The following CFI variants were observed in gnomAD, a reference collection of about 807,000 sequenced individuals.
The protein encoded by CFI is C3B/C4B inactivator.
A neutral mutation model predicts 78.8 loss-of-function variants in CFI; 66 were observed. The ratio of observed to expected loss-of-function variants is 0.84; its 90% CI spans 0.69 to 1.03. CFI has a LOEUF of 1.03. Ranked by LOEUF, CFI falls within the 50% of genes least tolerant of loss-of-function variation. CFI has a pLI of 0.00. For synonymous variants in CFI, 250 were observed against 232.6 expected, an observed-to-expected ratio of 1.07 and a Z score of -0.68; for missense variants, 706 against 704.5, an observed-to-expected ratio of 1.00 and a Z score of -0.02.
chr4:109,770,781 C>G (rs1338180168), intron 1 of CFI, among the ~76,000 whole-genome samples: 1 of 152,014 alleles, frequency 6.6e-6, no homozygotes, highest in Non-Finnish European at 1.5e-5. Flanking sequence ...ATGTTGGAAG[C>G]TGGAAAACAG....
chr4:109,760,357 A>T lies in CFI; in HGVS notation c.796T>A (p.Cys266Ser). 2 of 1,614,124 alleles carry T rather than the reference A, an allele frequency of 1.2e-6. No individual in the cohort carries two copies. The highest frequency in any genetic ancestry group is 1.7e-6 in the Non-Finnish European group (2 of 1,179,964). Reference protein sequence around the residue: ...CKACQGKGFHCKSGVCIPSQY... With the variant: ...CKACQGKGFHSKSGVCIPSQY... ...CTTGGAATGCAAACACCCGATTTGC[A>T]ATGGAAGCCTTTGCCTTGGCATGCT... The change falls in exon 6 of 13, where the codon TGC becomes AGC. Residue 266 changes from cysteine to serine, a missense_variant. Coordinates refer to ENST00000394634, the MANE Select transcript of CFI (RefSeq NM_000204.5).
At chr4:109,773,457 A>G (rs967914323) in intron 1 of CFI, among the ~76,000 whole-genome samples, 3 of 152,206 alleles carry the variant, frequency 2.0e-5, no homozygotes, top group African/African-American at 4.8e-5. Context: ...CAGAGGTTGC[A>G]GTGAGCCGAG....
intron 3 of CFI, chr4:109,762,011 G>A (rs1451054725): frequency 3.1e-6 from 1 of 318,498 alleles, no homozygotes; most frequent in Non-Finnish European, 6.0e-6. Context: ...CCAATATGGT[G>A]AAAATCCTAT....
Position 109,801,880 on chromosome 4 carries a change from A to G in CFI, c.57+35T>C, listed in dbSNP as rs752825945. 6.4e-6 allele frequency: 9 copies of G among 1,405,692 alleles called. No homozygotes were observed. The East Asian group carries it at 9.2e-5, about 14-fold the overall frequency. The allele number at this position is 1,405,692 out of a possible 1,614,324, so 87.1% of individuals were successfully genotyped here. A position where few individuals can be genotyped will look rare whatever the true frequency, so the allele number is the denominator to read the frequency against. ...TGTTTTTACAACCTTTAAATTATCA[A>G]TTAAAATTGTTTGCATAAAGGTTGA... On this transcript the variant is annotated intron_variant, in intron 1 of 12. Coordinates refer to ENST00000394634, the MANE Select transcript of CFI (RefSeq NM_000204.5).
intron 8 of CFI, among the ~76,000 whole-genome samples, chr4:109,750,493 C>A (rs2126193182): frequency 6.6e-6 from 1 of 152,174 alleles, no homozygotes; most frequent in Admixed American, 6.6e-5. Context: ...GGTTAGCGGG[C>A]TGGGGAGTGT....
At chr4:109,778,272 G>A (rs1339045026) in intron 1 of CFI, among the ~76,000 whole-genome samples, 1 of 152,026 alleles carries the variant, frequency 6.6e-6, no homozygotes, top group Non-Finnish European at 1.5e-5. Flanking sequence ...GAATCAAATA[G>A]ATGCAATAAA....
chr4:109,758,403 C>T (rs1726588689), intron 6 of CFI, among the ~76,000 whole-genome samples: 1 of 151,806 alleles, frequency 6.6e-6, no homozygotes, highest in Non-Finnish European at 1.5e-5. Flanking sequence ...CTCCAGAAAG[C>T]ACTGATGGAA....
chr4:109,744,142 C>A (rs1252813022), intron 11 of CFI, among the ~76,000 whole-genome samples: 6 of 152,050 alleles, frequency 3.9e-5, no homozygotes, highest in African/African-American at 1.4e-4. Flanking sequence ...CCACCAAATG[C>A]AATGTGTGGA....
intron 10 of CFI, among the ~76,000 whole-genome samples, chr4:109,748,863 A>G (rs900045436): frequency 6.6e-6 from 1 of 152,220 alleles, no homozygotes; most frequent in Non-Finnish European, 1.5e-5. Flanking sequence ...GTATGGCAAC[A>G]TGACTCTTGA....
rs146704322 is a variant in CFI, at chr4:109,766,872, C to T, written c.58-48G>A. 356 of 1,593,750 alleles carry T rather than the reference C, an allele frequency of 2.2e-4. 1 individual carries two copies. In the African/African-American group the frequency reaches 3.6e-3, roughly 16 times the overall value. On this transcript the variant is annotated intron_variant, in intron 1 of 12. Transcript: ENST00000394634. ...TAACTTAGCAACAAATTAAAGACTC[C>T]TGTTTGAAGATGAGTAAGTGAAGGA... is the stretch of plus-strand genomic sequence containing the variant.
At chr4:109,733,767 A>G in the CFI span, among the ~76,000 whole-genome samples, 1 of 152,248 alleles carries the variant, frequency 6.6e-6, no homozygotes, top group Non-Finnish European at 1.5e-5. Flanking sequence ...GAAAATTTTA[A>G]AAATAAATTT....
At chr4:109,778,050 C>A (rs1441999733) in intron 1 of CFI, among the ~76,000 whole-genome samples, 4 of 152,028 alleles carry the variant, frequency 2.6e-5, no homozygotes, top group African/African-American at 7.3e-5. Context: ...AAAATTGACA[C>A]CCTAAAATCA....
the CFI span, among the ~76,000 whole-genome samples, chr4:109,732,097 C>T: frequency 9.5e-3 from 1,450 of 152,240 alleles, 25 homozygotes; most frequent in African/African-American, 0.032. Flanking sequence ...AACCTAGTTC[C>T]AGCCCTCAGT....
intron 12 of CFI, among the ~76,000 whole-genome samples, chr4:109,741,539 G>A (rs1279479546): frequency 1.3e-5 from 2 of 152,172 alleles, no homozygotes; most frequent in African/African-American, 2.4e-5. Context: ...AGACAACTAT[G>A]ACACGGAGTT....
chr4:109,766,975 C>T (rs1010735352), intron 1 of CFI, 151 bp from the exon 2 acceptor site: 14 of 714,222 alleles, frequency 2.0e-5, no homozygotes, highest in Admixed American at 1.3e-4. Context: ...GAAATAATGC[C>T]GCATATCTAC....
intron 1 of CFI, among the ~76,000 whole-genome samples, chr4:109,797,157 C>G (rs576618672): frequency 2.8e-4 from 43 of 152,258 alleles, no homozygotes; most frequent in African/African-American, 7.9e-4. Context: ...AGAGGCATCC[C>G]ACTTCCTGAT....
chr4:109,775,364 C>A (rs1200956957), intron 1 of CFI, among the ~76,000 whole-genome samples: 2 of 152,244 alleles, frequency 1.3e-5, no homozygotes, highest in Non-Finnish European at 2.9e-5. Flanking sequence ...CCGTGCCTGG[C>A]TCGGAGGGTC....
intron 1 of CFI, among the ~76,000 whole-genome samples, chr4:109,775,706 G>A (rs1222411819): frequency 6.6e-6 from 1 of 152,166 alleles, no homozygotes; most frequent in Non-Finnish European, 1.5e-5. Flanking sequence ...CCTCAAGTGG[G>A]TTCATGACCC....
rs770650078 is a variant in CFI at position 109,752,491 on chromosome 4, A to G, written c.917T>C (p.Ile306Thr). Reference protein sequence around the residue: ...FASVTQEETEILTADMDAERR... With the variant: ...FASVTQEETETLTADMDAERR... ...ACCTGCATCCATGTCAGCAGTCAAA[A>G]TTTCTGTTTCTTCTATGATAAAACA... The change falls in exon 8 of 13, where the codon ATT becomes ACT. Residue 306 changes from isoleucine to threonine, a missense_variant. Ile to Thr is a moderately conservative substitution (Grantham distance 89). Coordinates refer to ENST00000394634, the MANE Select transcript of CFI (RefSeq NM_000204.5). 1 of 1,613,254 alleles carries G rather than the reference A, an allele frequency of 6.2e-7. No individual in the cohort carries two copies. The highest frequency in any genetic ancestry group is 8.5e-7 in the Non-Finnish European group (1 of 1,179,488).
Sources: gnomAD v4.1 joint callset for allele counts (sites outside exome capture counted in the v4.1 genomes callset) on GRCh38, gnomAD v4.1.1 for gene constraint, MANE v1.5 for transcripts, NCBI Gene and HGNC (gene_info 2026-07-23, HGNC 2026-07-21) for gene names.